The following RFC3 variants were observed in gnomAD, a reference collection of about 807,000 sequenced individuals.
RFC3 encodes the protein A1 38 kDa subunit.
In RFC3, 41 loss-of-function variants were observed where a neutral mutation model predicts 45.1. The observed-to-expected ratio is 0.91, with a 90% CI of 0.71 to 1.18. The LOEUF is 1.18. Among genes scored for constraint, RFC3 ranks in the 50% most tolerant of loss-of-function variants. The pLI is 0.00. For missense variants in RFC3, 423 were observed against 428.1 expected, an observed-to-expected ratio of 0.99 and a Z score of 0.10; for synonymous variants, 149 against 144.0, an observed-to-expected ratio of 1.03 and a Z score of -0.25.
At chr13:33,897,496 TA>T (rs951547795) in intron 8 of RFC3, among the ~76,000 whole-genome samples, 1 of 148,000 alleles carries the variant, frequency 6.8e-6, no homozygotes, top group Non-Finnish European at 1.5e-5. Flanking sequence ...AGGAAAAGAG[TA>T]AGAAAAAAAG....
rs1384255595 is a variant in RFC3 at position 33,886,795 on chromosome 13, C to G, written c.879+51578C>G. On this transcript the variant is annotated intron_variant, in intron 8 of 8. Coordinates refer to the RFC3 transcript ENST00000434425. ...GCTATCCCTCCCCCCTCCCCCCACCCCACAACAGTCCCCAGAGTGTGATGT... is the reference window on the plus strand; with the variant it reads ...GCTATCCCTCCCCCCTCCCCCCACCGCACAACAGTCCCCAGAGTGTGATGT... Among the ~76,000 whole-genome samples the G allele has an allele frequency of 6.9e-3, 874 of 126,062 alleles. 7 individuals are homozygous for G. The highest frequency in any genetic ancestry group is 0.024 in the African/African-American group (821 of 33,768). 82.7% of individuals were successfully genotyped at this position (126,062 alleles called of 152,430 possible).
intron 8 of RFC3, among the ~76,000 whole-genome samples, chr13:33,900,842 A>G (rs1446093178): frequency 1.3e-5 from 2 of 151,610 alleles, no homozygotes; most frequent in African/African-American, 2.4e-5. Context: ...GCAAAAAAAA[A>G]AAAAATAATA....
At chr13:33,873,567 CAGAG>C (rs919086483) in intron 8 of RFC3, among the ~76,000 whole-genome samples, 1 of 152,096 alleles carries the variant, frequency 6.6e-6, no homozygotes, top group Non-Finnish European at 1.5e-5. Flanking sequence ...AACAAACTGA[CAGAG>C]AGAGGATATG....
chr13:33,939,738 T>C (rs1307701390), intron 8 of RFC3, among the ~76,000 whole-genome samples: 1 of 152,122 alleles, frequency 6.6e-6, no homozygotes, highest in Non-Finnish European at 1.5e-5. Context: ...CTCCTTACTT[T>C]ATGGAGTCTG....
At chr13:33,959,245 G>C (rs2083041269) in intron 8 of RFC3, among the ~76,000 whole-genome samples, 1 of 152,098 alleles carries the variant, frequency 6.6e-6, no homozygotes, top group South Asian at 2.1e-4. Flanking sequence ...ACTATGATTA[G>C]GTTATTTCCC....
rs2082094131 is a variant in RFC3 at position 33,830,739 on chromosome 13, T to C, written c.594T>C (p.Thr198=). The change falls in exon 6 of 9, where the codon ACT becomes ACC. Residue 198 remains threonine, a synonymous_variant. Transcript: ENST00000380071. ...SIEDICHVLS[T]VCKKEGLNLP... is the part of the protein sequence containing the mutation. Reference sequence around the variant, plus strand: ...TGTAGATTTGCCACGTGTTATCTACTGTGTGTAAGAAGGAAGGTCTGAATC... The same window carrying C: ...TGTAGATTTGCCACGTGTTATCTACCGTGTGTAAGAAGGAAGGTCTGAATC... 3.7e-6 allele frequency: 6 copies of C among 1,611,574 alleles called. No homozygotes were observed. Among genetic ancestry groups the C allele is most frequent in the Non-Finnish European group, 5.1e-6 (6 of 1,179,050 alleles).
At chr13:33,854,256 G>A (rs2082295226) in intron 8 of RFC3, among the ~76,000 whole-genome samples, 2 of 152,266 alleles carry the variant, frequency 1.3e-5, no homozygotes, top group South Asian at 4.1e-4. Flanking sequence ...GATGAATCCA[G>A]AGTAGTTATA....
intron 1 of RFC3, among the ~76,000 whole-genome samples, chr13:33,820,501 T>C (rs994461232): frequency 6.6e-5 from 10 of 152,212 alleles, no homozygotes; most frequent in Non-Finnish European, 1.5e-4. Context: ...AGAGTTTCCC[T>C]AGCAGGATCA....
intron 8 of RFC3, among the ~76,000 whole-genome samples, chr13:33,895,234 A>G (rs1274074114): frequency 6.6e-6 from 1 of 152,216 alleles, no homozygotes; most frequent in Non-Finnish European, 1.5e-5. Context: ...GGGAGAAAAC[A>G]CTTACAAAGT....
At chr13:33,899,204 C>CAAAAAAGA (rs2082621817) in intron 8 of RFC3, among the ~76,000 whole-genome samples, 1 of 51,970 alleles carries the variant, frequency 1.9e-5, no homozygotes, top group East Asian at 6.4e-4. Flanking sequence ...CACAATAAGA[C>CAAAAAAGA]AAAAAAAAAA....
intron 4 of RFC3, among the ~76,000 whole-genome samples, chr13:33,827,364 G>T (rs2082059770): frequency 6.6e-6 from 1 of 152,062 alleles, no homozygotes; most frequent in Non-Finnish European, 1.5e-5. Context: ...GCTGTTTTCT[G>T]CCTACCAAGT....
chr13:33,829,842 T>C lies in RFC3; in HGVS notation c.398T>C (p.Leu133Ser), dbSNP rs888729206. ...TTGTTTCTCTTTGACTCAGTGGTAT[T>C]ATTGACAGAAGTTGACAAACTCACC... is the stretch of plus-strand genomic sequence containing the variant. ...TNSQRDFKVVLLTEVDKLTKD... is the reference protein window; with the variant it reads ...TNSQRDFKVVSLTEVDKLTKD... The change falls in exon 5 of 9, where the codon TTA becomes TCA. Residue 133 changes from leucine (L) to serine (S), a missense_variant. Transcript: ENST00000380071. 7.4e-6 allele frequency: 12 copies of C among 1,613,714 alleles called. No individual in the cohort carries two copies. Among genetic ancestry groups the C allele is most frequent in the Non-Finnish European group, 1.0e-5 (12 of 1,179,708 alleles).
intron 8 of RFC3, among the ~76,000 whole-genome samples, chr13:33,891,663 A>C (rs1000579326): frequency 2.6e-5 from 4 of 152,184 alleles, no homozygotes; most frequent in Admixed American, 6.5e-5. Context: ...ACAACAACAA[A>C]AAAAGTGACC....
chr13:33,952,872 C>A (rs2082999076), intron 8 of RFC3, among the ~76,000 whole-genome samples: 1 of 152,024 alleles, frequency 6.6e-6, no homozygotes, highest in South Asian at 2.1e-4. Flanking sequence ...ATCAGAATAT[C>A]TTTGTAATTT....
intron 8 of RFC3, among the ~76,000 whole-genome samples, chr13:33,892,446 A>C (rs906298821): frequency 6.6e-6 from 1 of 152,132 alleles, no homozygotes; most frequent in Non-Finnish European, 1.5e-5. Context: ...ATAAAACTGT[A>C]AGCATTCCAA....
chr13:33,819,393 A>G (rs892239637), intron 1 of RFC3, among the ~76,000 whole-genome samples: 3 of 152,214 alleles, frequency 2.0e-5, no homozygotes, highest in Non-Finnish European at 2.9e-5. Context: ...TCAAATTAAT[A>G]TATGATGCTG....
At chr13:33,891,001 G>A (rs1403030033) in intron 8 of RFC3, among the ~76,000 whole-genome samples, 1 of 152,086 alleles carries the variant, frequency 6.6e-6, no homozygotes, top group Non-Finnish European at 1.5e-5. Context: ...CATAAACTTT[G>A]TGTTACATAT....
At chr13:33,846,157 AG>A in intron 8 of RFC3, 1 of 152,284 alleles carries the variant, frequency 6.6e-6, no homozygotes, top group East Asian at 1.9e-4. Flanking sequence ...GCCTGGAGCT[AG>A]GGGAGAGGTG....
intron 8 of RFC3, among the ~76,000 whole-genome samples, chr13:33,935,573 C>G (rs965150996): frequency 3.3e-5 from 5 of 152,114 alleles, no homozygotes; most frequent in African/African-American, 1.2e-4. Context: ...TTGCTGGTAG[C>G]AGCACTTTCC....
Sources: gnomAD v4.1 joint callset for allele counts (sites outside exome capture counted in the v4.1 genomes callset) on GRCh38, gnomAD v4.1.1 for gene constraint, MANE v1.5 for transcripts, NCBI Gene and HGNC (gene_info 2026-07-23, HGNC 2026-07-21) for gene names.